HS3ST2: variants seen among roughly 807,000 people sequenced by gnomAD.
The protein encoded by HS3ST2 is heparan sulfate-glucosamine 3-sulfotransferase 2, also known as heparan sulfate glucosamine 3-O-sulfotransferase 2.
Under a neutral mutation model 26.3 loss-of-function variants are expected in HS3ST2, and 17 were observed. That is an observed-to-expected ratio of 0.65 (90% CI 0.44 to 0.97). The LOEUF (loss-of-function observed/expected upper bound fraction) is 0.97. Ranked by LOEUF, HS3ST2 falls within the 50% of genes least tolerant of loss-of-function variation. HS3ST2 has a pLI of 0.00. For missense variants in HS3ST2, 402 were observed against 501.2 expected (o/e 0.80, Z 1.89); for synonymous variants, 237 against 219.2 (o/e 1.08, Z -0.72).
chr16:22,907,943 G>C lies in HS3ST2; in HGVS notation c.486-7001G>C, dbSNP rs186851734. ...GCTTGAGCCCAAGAGTTTGAGACCAGCCAGGGCAACATGGCGAAACCTTGT... is the reference window on the plus strand; with the variant it reads ...GCTTGAGCCCAAGAGTTTGAGACCACCCAGGGCAACATGGCGAAACCTTGT... On this transcript the variant is annotated intron_variant, in intron 1 of 1. Transcript: ENST00000261374. Among the ~76,000 whole-genome samples the C allele has an allele frequency of 6.7e-3, 1,027 of 152,238 alleles. 12 individuals are homozygous for C. Among genetic ancestry groups the C allele is most frequent in the African/African-American group, 0.023 (956 of 41,534 alleles).
intron 1 of HS3ST2, among the ~76,000 whole-genome samples, chr16:22,824,862 C>A (rs1901059325): frequency 1.3e-5 from 2 of 152,114 alleles, no homozygotes; most frequent in Non-Finnish European, 2.9e-5. Flanking sequence ...TGCTCCCTAG[C>A]CTCAGTGCTT....
At chr16:22,866,387 T>C (rs1901752742) in intron 1 of HS3ST2, among the ~76,000 whole-genome samples, 1 of 149,902 alleles carries the variant, frequency 6.7e-6, no homozygotes, top group African/African-American at 2.5e-5. Flanking sequence ...TGTGTGTGTG[T>C]GTGTGTGTGT....
At chr16:22,871,754 G>A (rs1299251275) in intron 1 of HS3ST2, among the ~76,000 whole-genome samples, 2 of 152,214 alleles carry the variant, frequency 1.3e-5, no homozygotes, top group Non-Finnish European at 2.9e-5. Flanking sequence ...ACAGGGGCCT[G>A]TGATTTGACA....
At chr16:22,843,162 G>GTA (rs1901382916) in intron 1 of HS3ST2, among the ~76,000 whole-genome samples, 13 of 151,986 alleles carry the variant, frequency 8.6e-5, no homozygotes, top group Admixed American at 5.2e-4. Flanking sequence ...ATGTATGTGT[G>GTA]TGTGTGTGTG....
chr16:22,828,847 A>T (rs1901128618), intron 1 of HS3ST2, among the ~76,000 whole-genome samples: 1 of 152,214 alleles, frequency 6.6e-6, no homozygotes, highest in Non-Finnish European at 1.5e-5. Context: ...TAGCACAAAC[A>T]TCTCCATTAA....
At position 22,915,673 on chromosome 16, in the gene HS3ST2, C is replaced by T; in HGVS notation, c.*111C>T. 3 of 1,228,722 alleles carry T rather than the reference C, an allele frequency of 2.4e-6. No individual in the cohort carries two copies. Among genetic ancestry groups the T allele is most frequent in the Non-Finnish European group, 3.4e-6 (3 of 877,792 alleles). 76.1% of individuals were successfully genotyped at this position (1,228,722 alleles called of 1,614,324 possible). Reference sequence around the variant, plus strand: ...CAAACCCTGGCTCCAGCCCCCTTTCCCAACTTGAGTTGCATCATCTTGGAA... The same window carrying T: ...CAAACCCTGGCTCCAGCCCCCTTTCTCAACTTGAGTTGCATCATCTTGGAA... On this transcript the variant is annotated 3_prime_UTR_variant, in exon 2 of 2. Coordinates refer to ENST00000261374, the MANE Select transcript of HS3ST2 (RefSeq NM_006043.2).
At position 22,915,421 on chromosome 16, in the gene HS3ST2, C is replaced by A; in HGVS notation, c.963C>A (p.Leu321=). 1 of 1,613,920 alleles carries A rather than the reference C, an allele frequency of 6.2e-7. No individual in the cohort carries two copies. Among genetic ancestry groups the A allele is most frequent in the Non-Finnish European group, 8.5e-7 (1 of 1,179,956 alleles). ...GCTTGAAAAAAACAGAATCGAGCCT[C>A]CTGCCTCGATGCTTGGGCAAATCAA... ...FPCLKKTESS[L]LPRCLGKSKG... is the part of the protein sequence containing the mutation. Residue 321 remains leucine, a synonymous_variant, in exon 2 of 2, where the codon CTC becomes CTA. Transcript: ENST00000261374.
At chr16:22,817,707 C>A (rs1161637488) in intron 1 of HS3ST2, among the ~76,000 whole-genome samples, 1 of 152,154 alleles carries the variant, frequency 6.6e-6, no homozygotes, top group Non-Finnish European at 1.5e-5. Context: ...GCAGACATAG[C>A]CAAAGAACCC....
intron 1 of HS3ST2, among the ~76,000 whole-genome samples, chr16:22,910,347 A>G (rs1902410498): frequency 6.6e-6 from 1 of 152,220 alleles, no homozygotes; most frequent in Admixed American, 6.5e-5. Flanking sequence ...ATTTATTGCA[A>G]CAGCCCCTGT....
chr16:22,834,912 A>G (rs756642393), intron 1 of HS3ST2, among the ~76,000 whole-genome samples: 13 of 151,850 alleles, frequency 8.6e-5, no homozygotes, highest in Admixed American at 3.9e-4. Context: ...ATTTGCATTC[A>G]TTTTCTGAAA....
chr16:22,858,943 A>C (rs1479851984), intron 1 of HS3ST2, among the ~76,000 whole-genome samples: 1 of 152,210 alleles, frequency 6.6e-6, no homozygotes, highest in African/African-American at 2.4e-5. Context: ...AAGTGGGAGT[A>C]TCACTTGAAG....
At chr16:22,869,507 T>G (rs1295264713) in intron 1 of HS3ST2, among the ~76,000 whole-genome samples, 1 of 152,174 alleles carries the variant, frequency 6.6e-6, no homozygotes, top group African/African-American at 2.4e-5. Flanking sequence ...AGAGGTTTAA[T>G]GGACTTACAG....
At chr16:22,892,311 G>T (rs1284700079) in intron 1 of HS3ST2, among the ~76,000 whole-genome samples, 2 of 150,438 alleles carry the variant, frequency 1.3e-5, no homozygotes, top group African/African-American at 4.9e-5. Context: ...AAAAAGAACT[G>T]AAAGTAGTAA....
chr16:22,888,637 G>A (rs1005450173), intron 1 of HS3ST2, among the ~76,000 whole-genome samples: 4 of 151,850 alleles, frequency 2.6e-5, no homozygotes, highest in East Asian at 1.9e-4. Flanking sequence ...CGCCCGCCTC[G>A]GCCTGGCAAA....
chr16:22,834,882 T>C (rs1389122055), intron 1 of HS3ST2, among the ~76,000 whole-genome samples: 5 of 152,290 alleles, frequency 3.3e-5, no homozygotes, highest in Admixed American at 2.0e-4. Flanking sequence ...TTTTGGGGTA[T>C]TTAAAAATAT....
chr16:22,841,265 G>T (rs544368658), intron 1 of HS3ST2, among the ~76,000 whole-genome samples: 28 of 152,186 alleles, frequency 1.8e-4, no homozygotes, highest in African/African-American at 4.8e-4. Context: ...GTTTCACTAT[G>T]TTGCCCAGGC....
intron 1 of HS3ST2, among the ~76,000 whole-genome samples, chr16:22,826,837 C>T (rs2283523): frequency 0.24 from 36,858 of 152,016 alleles, 4,791 homozygotes; most frequent in African/African-American, 0.35. Context: ...TGTGTGTCAG[C>T]CACATAGTCA....
In HS3ST2 at chr16:22,915,424, G is replaced by C. The variant is rs1287420216; in HGVS notation, c.966G>C (p.Leu322=). The change falls in exon 2 of 2, where the codon CTG becomes CTC. Residue 322 remains leucine (L), a synonymous_variant. Coordinates refer to ENST00000261374, the MANE Select transcript of HS3ST2 (RefSeq NM_006043.2). ...TGAAAAAAACAGAATCGAGCCTCCT[G>C]CCTCGATGCTTGGGCAAATCAAAAG... The part of the protein sequence containing the change: ...PCLKKTESSL[L]PRCLGKSKGR... 1 of 1,613,888 alleles carries C rather than the reference G, an allele frequency of 6.2e-7. No homozygotes were observed. Among genetic ancestry groups the C allele is most frequent in the African/African-American group, 1.3e-5 (1 of 74,936 alleles).
chr16:22,874,158 C>T (rs1901877672), intron 1 of HS3ST2, among the ~76,000 whole-genome samples: 2 of 152,284 alleles, frequency 1.3e-5, no homozygotes, highest in African/African-American at 4.8e-5. Flanking sequence ...TTGCAAACAG[C>T]AGGCCCCTTC....
Sources: gnomAD v4.1 joint callset for allele counts (sites outside exome capture counted in the v4.1 genomes callset) on GRCh38, gnomAD v4.1.1 for gene constraint, MANE v1.5 for transcripts, NCBI Gene and HGNC (gene_info 2026-07-23, HGNC 2026-07-21) for gene names.